Variants in LARP4B observed in about 807,000 individuals in gnomAD.
The protein encoded by LARP4B is la-related protein 4B.
Under a neutral mutation model 89.8 loss-of-function variants are expected in LARP4B, and 12 were observed. The ratio of observed to expected loss-of-function variants is 0.13; its 90% CI spans 0.09 to 0.22. The LOEUF is 0.22. Among genes scored for constraint, LARP4B ranks in the 10% least tolerant of loss-of-function variants. The pLI is 1.00. For synonymous variants in LARP4B, 367 were observed against 363.3 expected, an observed-to-expected ratio of 1.01 and a Z score of -0.12; for missense variants, 757 against 947.7, an observed-to-expected ratio of 0.80 and a Z score of 2.64.
Position 864,148 on chromosome 10 carries a change from G to A in LARP4B, c.264C>T (p.Gly88=), listed in dbSNP as rs1287023167. The change falls in exon 4 of 18, where the codon GGC becomes GGT. Residue 88 remains glycine, a synonymous_variant. Transcript: ENST00000316157. ...GVSAAWEEVA[G]HHADRGPQGS... The stretch of plus-strand genomic sequence containing the variant: ...CCTGCGGGCCACGGTCTGCGTGGTG[G>A]CCAGCCACCTCCTCCCATGCAGCAC... 1 of 1,614,182 alleles carries A rather than the reference G, an allele frequency of 6.2e-7. No individual in the cohort carries two copies.
intron 1 of LARP4B, among the ~76,000 whole-genome samples, chr10:920,966 C>A (rs1836961708): frequency 6.6e-6 from 1 of 152,050 alleles, no homozygotes; most frequent in Non-Finnish European, 1.5e-5. Flanking sequence ...CACTTCCCAA[C>A]ATCAAATTGA....
intron 3 of LARP4B, chr10:873,015 T>C (rs1835302745): frequency 1.0e-6 from 1 of 984,856 alleles, no homozygotes; most frequent in Non-Finnish European, 1.2e-6. Flanking sequence ...CCTTTGACGG[T>C]ATCAAATAAT....
chr10:932,284 G>A (rs1403867850), upstream of LARP4B, among the ~76,000 whole-genome samples: 2 of 136,434 alleles, frequency 1.5e-5, no homozygotes, highest in East Asian at 2.2e-4. Context: ...CTGGGATCAA[G>A]GTCCCGGCCC....
At chr10:841,172 C>T (rs1266964286) in intron 7 of LARP4B, among the ~76,000 whole-genome samples, 2 of 152,038 alleles carry the variant, frequency 1.3e-5, no homozygotes, top group Non-Finnish European at 2.9e-5. Flanking sequence ...TAAATTCATT[C>T]GTCCATTCAA....
chr10:898,054 T>C (rs896033313), intron 1 of LARP4B, among the ~76,000 whole-genome samples: 1 of 112,554 alleles, frequency 8.9e-6, no homozygotes, highest in Non-Finnish European at 1.9e-5. Context: ...AAAGAAGATA[T>C]ACAAATGGCC....
chr10:963,906 G>C, the LARP4B span, among the ~76,000 whole-genome samples: 4 of 152,194 alleles, frequency 2.6e-5, no homozygotes, highest in Non-Finnish European at 5.9e-5. Flanking sequence ...CCACCTCTCA[G>C]TGCTGTTGCC....
Position 861,141 on chromosome 10 carries a change from G to A in LARP4B, c.430+2602C>T, listed in dbSNP as rs190648436. ...ACTGCATTCCAGCCTGGGTGACACAGCAAGACTCCATCTCAAAAAGAAAAA... is the reference window on the plus strand; with the variant it reads ...ACTGCATTCCAGCCTGGGTGACACAACAAGACTCCATCTCAAAAAGAAAAA... On this transcript the variant is annotated intron_variant, in intron 5 of 17. Coordinates refer to ENST00000316157, the MANE Select transcript of LARP4B (RefSeq NM_015155.3). 5.6e-3 allele frequency among the ~76,000 whole-genome samples: 849 copies of A among 152,242 alleles called. 7 individuals carry two copies. The highest frequency in any genetic ancestry group is 0.019 in the African/African-American group (801 of 41,512).
At chr10:889,075 A>G (rs1009163386) in intron 1 of LARP4B, among the ~76,000 whole-genome samples, 1 of 152,174 alleles carries the variant, frequency 6.6e-6, no homozygotes, top group Non-Finnish European at 1.5e-5. Flanking sequence ...ACAGAATAAG[A>G]TCCTGTCTCA....
intron 3 of LARP4B, chr10:869,906 AT>A (rs1835109483): frequency 4.4e-4 from 1 of 2,284 alleles, no homozygotes; most frequent in Non-Finnish European, 2.0e-3. Flanking sequence ...CAAAAAATAA[AT>A]AATAATAATA....
chr10:982,084 C>T, the LARP4B span, among the ~76,000 whole-genome samples: 1 of 146,782 alleles, frequency 6.8e-6, no homozygotes, highest in South Asian at 2.2e-4. Context: ...ACTTCTTCAA[C>T]CTATAGCTTT....
chr10:824,137 C>T (rs1832495775), intron 13 of LARP4B, among the ~76,000 whole-genome samples: 1 of 152,170 alleles, frequency 6.6e-6, no homozygotes, highest in South Asian at 2.1e-4. Flanking sequence ...ACTTGTTTGT[C>T]ACTTATGAGA....
At chr10:963,452 A>G in the LARP4B span, among the ~76,000 whole-genome samples, 1 of 152,184 alleles carries the variant, frequency 6.6e-6, no homozygotes, top group Non-Finnish European at 1.5e-5. Flanking sequence ...CAGAATCTGA[A>G]TGATCAGCAC....
intron 13 of LARP4B, among the ~76,000 whole-genome samples, chr10:823,660 G>C (rs1357358711): frequency 6.6e-6 from 1 of 151,696 alleles, no homozygotes; most frequent in African/African-American, 2.4e-5. Context: ...CTCAGAGGGA[G>C]CCACATGGCC....
chr10:904,763 T>C (rs571148929), intron 1 of LARP4B, among the ~76,000 whole-genome samples: 8 of 152,260 alleles, frequency 5.3e-5, no homozygotes, highest in Non-Finnish European at 7.4e-5. Context: ...CCCGAGCACA[T>C]CATTTCCTCA....
At chr10:959,161 C>T in the LARP4B span, among the ~76,000 whole-genome samples, 1 of 152,256 alleles carries the variant, frequency 6.6e-6, no homozygotes, top group East Asian at 1.9e-4. Context: ...GGTCCCAGGA[C>T]ACCTTCAGAG....
chr10:932,732 C>T (rs574038777), upstream of LARP4B, among the ~76,000 whole-genome samples: 134 of 147,698 alleles, frequency 9.1e-4, 1 homozygote, highest in African/African-American at 3.0e-3. Context: ...CCCGAACTCC[C>T]GCCCCACACC....
At chr10:882,502 C>T (rs1267687109) in intron 3 of LARP4B, among the ~76,000 whole-genome samples, 2 of 152,090 alleles carry the variant, frequency 1.3e-5, no homozygotes, top group East Asian at 3.9e-4. Context: ...ATTCTCCTGC[C>T]TCAGCCTCCC....
At chr10:969,425 T>C in the LARP4B span, among the ~76,000 whole-genome samples, 490 of 152,082 alleles carry the variant, frequency 3.2e-3, 2 homozygotes, top group African/African-American at 0.011. Flanking sequence ...AGAGGAGTGA[T>C]GTGTTTAAGA....
intron 3 of LARP4B, among the ~76,000 whole-genome samples, chr10:867,290 C>A (rs928305553): frequency 6.6e-6 from 1 of 152,116 alleles, no homozygotes; most frequent in East Asian, 1.9e-4. Flanking sequence ...TGTACTGAAT[C>A]AGAACAAGTC....
Sources: allele counts gnomAD v4.1 joint callset (sites outside exome capture counted in the v4.1 genomes callset), GRCh38; gene constraint gnomAD v4.1.1; transcripts MANE v1.5; gene names NCBI Gene and HGNC (gene_info 2026-07-23, HGNC 2026-07-21).